DNAJC10: variants seen among roughly 807,000 people sequenced by gnomAD.
DNAJC10 encodes DnaJ heat shock protein family (Hsp40) member C10.
In DNAJC10, 101 loss-of-function variants were observed where a neutral mutation model predicts 115.0. The observed-to-expected ratio is 0.88, with a 90% CI of 0.75 to 1.04. The LOEUF is 1.04. Among genes scored for constraint, DNAJC10 ranks in the 50% least tolerant of loss-of-function variants. The pLI, the probability that DNAJC10 is intolerant of heterozygous loss-of-function variation, is 0.00. For missense variants in DNAJC10, 981 were observed against 928.8 expected, an observed-to-expected ratio of 1.06 and a Z score of -0.73; for synonymous variants, 307 against 301.5, an observed-to-expected ratio of 1.02 and a Z score of -0.19.
chr2:182,748,744 T>C (rs543531841), intron 14 of DNAJC10, among the ~76,000 whole-genome samples: 5 of 152,176 alleles, frequency 3.3e-5, no homozygotes, highest in Admixed American at 6.5e-5. Flanking sequence ...TTAATTGTGA[T>C]GTTAGGGTGT....
At chr2:182,746,215 G>A (rs1300037907) in intron 14 of DNAJC10, among the ~76,000 whole-genome samples, 1 of 152,102 alleles carries the variant, frequency 6.6e-6, no homozygotes, top group Admixed American at 6.6e-5. Context: ...ATGTGTCTTT[G>A]TAGCAGCATG....
intron 11 of DNAJC10, among the ~76,000 whole-genome samples, chr2:182,736,909 C>T (rs1008659878): frequency 1.3e-5 from 2 of 152,120 alleles, no homozygotes; most frequent in African/African-American, 4.8e-5. Flanking sequence ...GCCATCATGC[C>T]TGGCTAATTT....
chr2:182,752,809 A>G (rs1281487810), intron 16 of DNAJC10, among the ~76,000 whole-genome samples: 1 of 152,154 alleles, frequency 6.6e-6, no homozygotes, highest in Non-Finnish European at 1.5e-5. Flanking sequence ...AAGTGACACC[A>G]TGGATATGAA....
chr2:182,716,773 C>G (rs188207624), intron 1 of DNAJC10, among the ~76,000 whole-genome samples: 6 of 152,164 alleles, frequency 3.9e-5, no homozygotes, highest in South Asian at 2.1e-4. Flanking sequence ...ATCTTTACCC[C>G]TCTCCCCTCT....
chr2:182,722,236 G>A (rs1377918154), intron 5 of DNAJC10, among the ~76,000 whole-genome samples, 161 bp downstream of exon 5: 5 of 152,262 alleles, frequency 3.3e-5, no homozygotes, highest in Admixed American at 2.6e-4. Context: ...ATGTGGGGAA[G>A]TGTACCATAA....
intron 4 of DNAJC10, among the ~76,000 whole-genome samples, chr2:182,721,686 G>C (rs1203472794): frequency 6.6e-6 from 1 of 151,952 alleles, no homozygotes; most frequent in African/African-American, 2.4e-5. Context: ...TGAGTAAAAA[G>C]TATACAAGAG....
At chr2:182,722,810 C>T (rs943031685) in intron 5 of DNAJC10, among the ~76,000 whole-genome samples, 18 of 151,848 alleles carry the variant, frequency 1.2e-4, no homozygotes, top group Admixed American at 1.1e-3. Context: ...CCTGGTGGCA[C>T]GCACCTGTAA....
chr2:182,752,865 G>T (rs1393009138), intron 16 of DNAJC10, among the ~76,000 whole-genome samples: 1 of 152,108 alleles, frequency 6.6e-6, no homozygotes, highest in Admixed American at 6.6e-5. Flanking sequence ...CAAATACCCA[G>T]TATATACATT....
chr2:182,752,853 G>A (rs1371524999), intron 16 of DNAJC10, among the ~76,000 whole-genome samples: 1 of 152,086 alleles, frequency 6.6e-6, no homozygotes, highest in Non-Finnish European at 1.5e-5. Context: ...AACTTTACAG[G>A]ACAAATACCC....
intron 17 of DNAJC10, 73 bp from the exon 18 acceptor site, chr2:182,756,241 C>T: frequency 7.8e-7 from 1 of 1,283,134 alleles, no homozygotes; most frequent in East Asian, 2.6e-5. Flanking sequence ...CAACCTGTAC[C>T]AACAATTTGC....
At position 182,720,014 on chromosome 2, in the gene DNAJC10, C is replaced by G; in HGVS notation, c.212C>G (p.Pro71Arg). 1 of 1,535,562 alleles carries G rather than the reference C, an allele frequency of 6.5e-7. No homozygotes were observed. Among genetic ancestry groups the G allele is most frequent in the South Asian group, 1.2e-5 (1 of 85,660 alleles). Residue 71 changes from proline (P) to arginine (R), a missense_variant, in exon 4 of 24, where the codon CCA becomes CGA. Transcript: ENST00000264065. Reference sequence around the variant, plus strand: ...TCTAATATTTTTTAACAGAATAACCCAAATGCACATGGCGATTTTTTAAAA... The same window carrying G: ...TCTAATATTTTTTAACAGAATAACCGAAATGCACATGGCGATTTTTTAAAA... ...KLHPDKNPNNPNAHGDFLKIN... is the reference protein window; with the variant it reads ...KLHPDKNPNNRNAHGDFLKIN...
rs536621441 is a variant in DNAJC10, at chr2:182,789,742, C to G, written c.*12610C>G. 1 of 151,976 alleles carries G rather than the reference C, an allele frequency of 6.6e-6. No individual in the cohort carries two copies. The highest frequency in any genetic ancestry group is 1.5e-5 in the Non-Finnish European group (1 of 67,994). The allele number at this position is 151,976 out of a possible 1,614,324, so 9.4% of individuals were successfully genotyped here. On this transcript the variant is annotated 3_prime_UTR_variant, in exon 24 of 24. Coordinates refer to ENST00000264065, the MANE Select transcript of DNAJC10 (RefSeq NM_018981.4). ...TAATTCTATTTTTAATATGGGGGGACCTCCATACTGTTTTTCATAGCAGCT... is the reference window on the plus strand; with the variant it reads ...TAATTCTATTTTTAATATGGGGGGAGCTCCATACTGTTTTTCATAGCAGCT...
At chr2:182,753,518 C>A (rs1694076478) in intron 16 of DNAJC10, among the ~76,000 whole-genome samples, 1 of 150,900 alleles carries the variant, frequency 6.6e-6, no homozygotes, top group Non-Finnish European at 1.5e-5. Flanking sequence ...GAAATGCCAA[C>A]CAAAGATACA....
chr2:182,778,477 G>A lies in DNAJC10; in HGVS notation c.*1345G>A, dbSNP rs1209991107. ...GTAAAAATTCCAATCAGTCAAAAGAGGTCAATGAATTAAAAGGCTTGCAAC... is the reference window on the plus strand; with the variant it reads ...GTAAAAATTCCAATCAGTCAAAAGAAGTCAATGAATTAAAAGGCTTGCAAC... On this transcript the variant is annotated 3_prime_UTR_variant, in exon 24 of 24. Coordinates refer to ENST00000264065, the MANE Select transcript of DNAJC10 (RefSeq NM_018981.4). The A allele has an allele frequency of 6.6e-6, 1 of 152,064 alleles. No homozygotes were observed. The highest frequency in any genetic ancestry group is 1.5e-5 in the Non-Finnish European group (1 of 68,010). The allele number at this position is 152,064 out of a possible 1,614,324, so 9.4% of individuals were successfully genotyped here. A position where few individuals can be genotyped will look rare whatever the true frequency, so the allele number is the denominator to read the frequency against.
At chr2:182,740,990 T>C (rs1005424342) in intron 12 of DNAJC10, among the ~76,000 whole-genome samples, 1 of 152,154 alleles carries the variant, frequency 6.6e-6, no homozygotes, top group Non-Finnish European at 1.5e-5. Context: ...GTTAAAATCA[T>C]GTATTTGTTT....
intron 22 of DNAJC10, among the ~76,000 whole-genome samples, chr2:182,763,927 C>T (rs1349828102): frequency 6.6e-6 from 1 of 152,090 alleles, no homozygotes; most frequent in Non-Finnish European, 1.5e-5. Context: ...ATGTTTAACC[C>T]AGACAACCAA....
intron 19 of DNAJC10, 60 bp from the exon 20 acceptor site, chr2:182,758,777 T>C (rs1694218915): frequency 1.7e-6 from 2 of 1,184,234 alleles, no homozygotes; most frequent in Non-Finnish European, 2.5e-6. Context: ...TAAGATTGTT[T>C]TCTGAATACA....
chr2:182,757,586 C>T lies in DNAJC10; in HGVS notation c.1810-106C>T, dbSNP rs1248791278. On this transcript the variant is annotated intron_variant, in intron 18 of 23. Transcript: ENST00000264065. ...ATCCATTTTTATTGGGTAAAAGTCACTGATAAATAATATAATAACTGTTTC... is the reference window on the plus strand; with the variant it reads ...ATCCATTTTTATTGGGTAAAAGTCATTGATAAATAATATAATAACTGTTTC... The T allele has an allele frequency of 4.8e-6, 4 of 825,246 alleles. No individual in the cohort carries two copies. The Admixed American group carries it at 1.7e-4, about 34-fold the overall frequency. The allele number at this position is 825,246 out of a possible 1,614,324, so 51.1% of individuals were successfully genotyped here.
At position 182,756,214 on chromosome 2, in the gene DNAJC10, T is replaced by G. The variant is rs962612699; in HGVS notation, c.1654-100T>G. On this transcript the variant is annotated intron_variant, in intron 17 of 23. Coordinates refer to ENST00000264065, the MANE Select transcript of DNAJC10 (RefSeq NM_018981.4). ...CAAAATTCTCAATACTTCCAAGTAT[T>G]TTGGATAAGAGATACTCAACCTGTA... 21 of 1,011,456 alleles carry G rather than the reference T, an allele frequency of 2.1e-5. No homozygotes were observed. In the African/African-American group the frequency reaches 2.8e-4, roughly 14 times the overall value. The allele number at this position is 1,011,456 out of a possible 1,614,324, so 62.7% of individuals were successfully genotyped here.
Sources: allele counts gnomAD v4.1 joint callset (sites outside exome capture counted in the v4.1 genomes callset), GRCh38; gene constraint gnomAD v4.1.1; transcripts MANE v1.5; gene names NCBI Gene and HGNC (gene_info 2026-07-23, HGNC 2026-07-21).